CSNK1G1: variants seen among roughly 807,000 people sequenced by gnomAD.
CSNK1G1 encodes the protein casein kinase 1 gamma 1.
In CSNK1G1, 22 loss-of-function variants were observed where a neutral mutation model predicts 59.6. The ratio of observed to expected loss-of-function variants is 0.37; its 90% confidence interval spans 0.26 to 0.53. The LOEUF is 0.53. CSNK1G1 is among the 20% of genes least tolerant of loss of function. CSNK1G1 has a pLI of 0.89. For synonymous variants in CSNK1G1, 179 were observed against 177.1 expected, an observed-to-expected ratio of 1.01 and a Z score of -0.08; for missense variants, 384 against 519.5, an observed-to-expected ratio of 0.74 and a Z score of 2.54.
chr15:64,334,440 C>T (rs1897270048), intron 1 of CSNK1G1, among the ~76,000 whole-genome samples: 1 of 152,162 alleles, frequency 6.6e-6, no homozygotes, highest in Admixed American at 6.5e-5. Context: ...GATTCAAGCA[C>T]ACTACATTTA....
At chr15:64,345,690 C>A (rs1181831601) in intron 1 of CSNK1G1, among the ~76,000 whole-genome samples, 1 of 152,076 alleles carries the variant, frequency 6.6e-6, no homozygotes, top group African/African-American at 2.4e-5. Flanking sequence ...TAATTACATT[C>A]GAGAACGTTA....
At chr15:64,237,237 T>C (rs72756949) in intron 4 of CSNK1G1, among the ~76,000 whole-genome samples, 6,739 of 152,222 alleles carry the variant, frequency 0.044, 194 homozygotes, top group South Asian at 0.085. Context: ...GCAATCTATG[T>C]ATATAACAAA....
At chr15:64,278,017 A>G (rs1893840459) in intron 2 of CSNK1G1, among the ~76,000 whole-genome samples, 1 of 145,310 alleles carries the variant, frequency 6.9e-6, no homozygotes, top group South Asian at 2.1e-4. Context: ...ATATTTGAAT[A>G]ATATATTAAT....
intron 4 of CSNK1G1, among the ~76,000 whole-genome samples, chr15:64,225,759 T>G (rs986653684): frequency 6.6e-6 from 1 of 152,118 alleles, no homozygotes; most frequent in African/African-American, 2.4e-5. Flanking sequence ...CCCAAGTAAC[T>G]GGGATTACGG....
chr15:64,329,976 A>G (rs1321548213), intron 1 of CSNK1G1, among the ~76,000 whole-genome samples: 1 of 151,522 alleles, frequency 6.6e-6, no homozygotes, highest in Non-Finnish European at 1.5e-5. Flanking sequence ...CTAGACCAGG[A>G]AGAAGTTGAA....
At chr15:64,253,865 C>T (rs1029983643) in intron 3 of CSNK1G1, among the ~76,000 whole-genome samples, 4 of 152,042 alleles carry the variant, frequency 2.6e-5, no homozygotes, top group African/African-American at 7.2e-5. Context: ...AGTAGCCAGG[C>T]GCGGTGGCTC....
At chr15:64,238,520 T>A (rs868021707) in intron 4 of CSNK1G1, among the ~76,000 whole-genome samples, 3,205 of 86,272 alleles carry the variant, frequency 0.037, 50 homozygotes, top group African/African-American at 0.061. Flanking sequence ...AAAAAAAAAA[T>A]ATATATATAT....
rs140857936 is a variant in CSNK1G1 at position 64,346,422 on chromosome 15, TTTTATTTATTTA to T, written c.-225+9554_-225+9565del. Reference sequence around the variant, plus strand: ...AGTGACCTTGGGTTTGGAAACGAGTTTTTATTTATTTATTTATTTATTTATTTATTTATTTAT... The same window carrying T: ...AGTGACCTTGGGTTTGGAAACGAGTTTTTATTTATTTATTTATTTATTTAT... On this transcript the variant is annotated intron_variant, in intron 1 of 11. Coordinates refer to ENST00000303052, the MANE Select transcript of CSNK1G1 (RefSeq NM_022048.5). 7.8e-3 allele frequency among the ~76,000 whole-genome samples: 1,067 copies of T among 137,498 alleles called. 11 individuals carry two copies. Among genetic ancestry groups the T allele is most frequent in the East Asian group, 0.019 (94 of 4,862 alleles). 90.2% of individuals were successfully genotyped at this position (137,498 alleles called of 152,430 possible). A position where few individuals can be genotyped will look rare whatever the true frequency, so the allele number is the denominator to read the frequency against.
intron 1 of CSNK1G1, among the ~76,000 whole-genome samples, chr15:64,333,547 G>A (rs75802741): frequency 0.036 from 5,464 of 151,434 alleles, 181 homozygotes; most frequent in Non-Finnish European, 0.05. Flanking sequence ...AAAGTGTCTA[G>A]GTAACAATCA....
chr15:64,277,356 T>G (rs563316429), intron 2 of CSNK1G1, among the ~76,000 whole-genome samples: 5 of 151,928 alleles, frequency 3.3e-5, no homozygotes, highest in African/African-American at 1.2e-4. Context: ...CCCTAGCTAC[T>G]TGGGAGGCTG....
At chr15:64,320,349 G>A (rs1289393365) in intron 1 of CSNK1G1, among the ~76,000 whole-genome samples, 6 of 152,204 alleles carry the variant, frequency 3.9e-5, no homozygotes, top group Admixed American at 3.9e-4. Flanking sequence ...CCACCTAACA[G>A]GTACAGCTAT....
intron 4 of CSNK1G1, among the ~76,000 whole-genome samples, chr15:64,224,530 A>G (rs1388201990): frequency 1.3e-5 from 2 of 152,224 alleles, no homozygotes; most frequent in Non-Finnish European, 2.9e-5. Context: ...TTAAAAAAGA[A>G]CAAACAATCC....
chr15:64,239,754 T>C (rs2082669267), intron 4 of CSNK1G1, among the ~76,000 whole-genome samples: 1 of 152,086 alleles, frequency 6.6e-6, no homozygotes. Flanking sequence ...ACCAGACAAA[T>C]AATTCATGAT....
chr15:64,253,300 G>A (rs922987565), intron 3 of CSNK1G1, among the ~76,000 whole-genome samples: 1 of 152,086 alleles, frequency 6.6e-6, no homozygotes, highest in Non-Finnish European at 1.5e-5. Flanking sequence ...AGCTGTGATT[G>A]TGCCACTGTA....
chr15:64,235,535 G>A (rs906496056), intron 4 of CSNK1G1, among the ~76,000 whole-genome samples: 8 of 152,250 alleles, frequency 5.3e-5, no homozygotes, highest in African/African-American at 1.7e-4. Flanking sequence ...AAACCTCATT[G>A]GGCTTTATAA....
rs1390017697 is a variant in CSNK1G1 at position 64,216,730 on chromosome 15, A to T, written c.293-17T>A. On this transcript the variant is annotated splice_polypyrimidine_tract_variant and intron_variant, in intron 4 of 11. Transcript: ENST00000303052. This position sits in a 1 kb window ranked among gnomAD's most constrained non-coding sequence, Gnocchi z 4.6. Reference sequence around the variant, plus strand: ...GACCTTCACCTGAAAGCAGAGGGGAAATGGGGGTATACAGTGGGAGACACA... The same window carrying T: ...GACCTTCACCTGAAAGCAGAGGGGATATGGGGGTATACAGTGGGAGACACA... 6.2e-7 allele frequency: 1 copy of T among 1,613,112 alleles called. No homozygotes were observed. Among genetic ancestry groups the T allele is most frequent in the Non-Finnish European group, 8.5e-7 (1 of 1,179,272 alleles).
chr15:64,283,159 AAAAC>A (rs1178353848), intron 2 of CSNK1G1, among the ~76,000 whole-genome samples: 1 of 152,164 alleles, frequency 6.6e-6, no homozygotes, highest in Non-Finnish European at 1.5e-5. Flanking sequence ...AACCTATGGA[AAAAC>A]AAACAAAAAG....
chr15:64,324,678 G>C (rs111472584), intron 1 of CSNK1G1, among the ~76,000 whole-genome samples: 19 of 152,318 alleles, frequency 1.2e-4, no homozygotes, highest in African/African-American at 4.6e-4. Flanking sequence ...CCTTGTGACT[G>C]TGTGAGTCAA....
chr15:64,214,142 G>C lies in CSNK1G1; in HGVS notation c.445-18C>G. 1 of 1,538,250 alleles carries C rather than the reference G, an allele frequency of 6.5e-7. No individual in the cohort carries two copies. The highest frequency in any genetic ancestry group is 1.1e-5 in the South Asian group (1 of 89,476). On this transcript the variant is annotated intron_variant, in intron 5 of 11. Coordinates refer to ENST00000303052, the MANE Select transcript of CSNK1G1 (RefSeq NM_022048.5). The surrounding 1 kb of genome is among the most constrained non-coding windows in gnomAD (Gnocchi z 4.3). ...CGAGAAAGCTGAAAGAGAAACAAAT[G>C]ATAGAAAGACTGTAAAGAAGTATAT... is the stretch of plus-strand genomic sequence containing the variant.
Sources: gnomAD v4.1 joint callset for allele counts (sites outside exome capture counted in the v4.1 genomes callset) on GRCh38, gnomAD v4.1.1 for gene constraint, Gnocchi (gnomAD v3.1) non-coding constraint, MANE v1.5 for transcripts, NCBI Gene and HGNC (gene_info 2026-07-23, HGNC 2026-07-21) for gene names.